CCDC170: variants seen among roughly 807,000 people sequenced by gnomAD.
CCDC170 encodes coiled-coil domain containing 170, also known as coiled-coil domain-containing protein 170.
CCDC170 carries 69 observed loss-of-function variants against 72.6 expected under a neutral mutation model. The observed-to-expected ratio is 0.95, with a 90% CI of 0.78 to 1.16. The LOEUF is 1.16. Ranked by LOEUF, CCDC170 falls within the 50% of genes most tolerant of loss-of-function variation. The pLI is 0.00. For synonymous variants in CCDC170, 300 were observed against 303.9 expected (o/e 0.99, Z 0.13); for missense variants, 852 against 832.5 (o/e 1.02, Z -0.29).
chr6:151,550,881 A>G (rs965549778), intron 5 of CCDC170, among the ~76,000 whole-genome samples: 4 of 152,130 alleles, frequency 2.6e-5, no homozygotes, highest in African/African-American at 4.8e-5. Context: ...GAACCTAATC[A>G]TCTCCCAAAG....
At chr6:151,515,838 C>T (rs562918994) in intron 1 of CCDC170, among the ~76,000 whole-genome samples, 9 of 152,014 alleles carry the variant, frequency 5.9e-5, no homozygotes, top group Non-Finnish European at 7.4e-5. Flanking sequence ...AAGTCCGAAG[C>T]GGGTGGATCA....
intron 1 of CCDC170, among the ~76,000 whole-genome samples, chr6:151,519,682 G>C (rs1458310020): frequency 2.0e-5 from 3 of 152,168 alleles, no homozygotes; most frequent in African/African-American, 7.2e-5. Context: ...CCTCCGTTCG[G>C]GGTTCCTGAC....
intron 1 of CCDC170, among the ~76,000 whole-genome samples, chr6:151,522,987 A>G (rs1315590495): frequency 6.6e-6 from 1 of 152,142 alleles, no homozygotes; most frequent in Admixed American, 6.6e-5. Context: ...TTCTTGCACA[A>G]GATCCAAGAA....
At chr6:151,566,744 T>A (rs1409008790) in intron 5 of CCDC170, among the ~76,000 whole-genome samples, 1 of 152,204 alleles carries the variant, frequency 6.6e-6, no homozygotes, top group Admixed American at 6.5e-5. Flanking sequence ...TGTTCTTTAG[T>A]CATAAGTTTT....
chr6:151,548,232 G>T (rs897819900), intron 4 of CCDC170, 72 bp from the exon 5 acceptor site: 2 of 1,329,750 alleles, frequency 1.5e-6, no homozygotes, highest in African/African-American at 2.9e-5. Context: ...GCAGTCTATA[G>T]ATGTGACTTG....
At chr6:151,554,023 C>G (rs76352903) in intron 5 of CCDC170, among the ~76,000 whole-genome samples, 4 of 152,146 alleles carry the variant, frequency 2.6e-5, no homozygotes, top group Non-Finnish European at 5.9e-5. Context: ...GAAGACTCTA[C>G]TTCAGTTCCT....
intron 4 of CCDC170, among the ~76,000 whole-genome samples, chr6:151,547,513 G>A (rs1267100571): frequency 2.0e-5 from 3 of 152,112 alleles, no homozygotes; most frequent in African/African-American, 7.2e-5. Flanking sequence ...ATGTGAGGAA[G>A]AGTGTTGGAG....
chr6:151,552,525 T>C (rs1782896613), intron 5 of CCDC170, among the ~76,000 whole-genome samples: 1 of 152,204 alleles, frequency 6.6e-6, no homozygotes, highest in East Asian at 1.9e-4. Flanking sequence ...TTCTTTATTT[T>C]CTTTCCTTTT....
At chr6:151,547,767 T>G (rs1218020363) in intron 4 of CCDC170, among the ~76,000 whole-genome samples, 2 of 152,216 alleles carry the variant, frequency 1.3e-5, no homozygotes, top group Non-Finnish European at 2.9e-5. Flanking sequence ...TGCTCCCAGT[T>G]AACCATTCCA....
chr6:151,508,875 C>T (rs955304485), intron 1 of CCDC170, among the ~76,000 whole-genome samples: 3 of 149,862 alleles, frequency 2.0e-5, no homozygotes, highest in South Asian at 4.3e-4. Context: ...ATTAGCCGGG[C>T]GTGGTGGCGA....
At chr6:151,506,329 GT>G (rs1412406699) in intron 1 of CCDC170, among the ~76,000 whole-genome samples, 1 of 152,184 alleles carries the variant, frequency 6.6e-6, no homozygotes, top group Non-Finnish European at 1.5e-5. Context: ...GCTGTTAAGT[GT>G]TTCTTTCTGA....
At chr6:151,549,376 T>A (rs1350148812) in intron 5 of CCDC170, among the ~76,000 whole-genome samples, 1 of 152,102 alleles carries the variant, frequency 6.6e-6, no homozygotes, top group African/African-American at 2.4e-5. Context: ...ACAAAACACT[T>A]AAAATTAAAG....
chr6:151,550,533 A>G (rs1284122550), intron 5 of CCDC170, among the ~76,000 whole-genome samples: 2 of 152,200 alleles, frequency 1.3e-5, no homozygotes, highest in Non-Finnish European at 2.9e-5. Context: ...TCGCACCACT[A>G]GCTTTATTCT....
At chr6:151,543,223 G>T (rs1455036286) in intron 3 of CCDC170, among the ~76,000 whole-genome samples, 1 of 152,030 alleles carries the variant, frequency 6.6e-6, no homozygotes, top group Admixed American at 6.6e-5. Flanking sequence ...ACCTATCTGA[G>T]ATTTGAAACA....
intron 9 of CCDC170, among the ~76,000 whole-genome samples, chr6:151,599,267 CA>C (rs1232675378): frequency 6.6e-6 from 1 of 152,174 alleles, no homozygotes; most frequent in Non-Finnish European, 1.5e-5. Context: ...AAGGATATGG[CA>C]AAATCAGAGC....
intron 5 of CCDC170, among the ~76,000 whole-genome samples, chr6:151,564,524 T>A (rs377407387): frequency 2.0e-5 from 3 of 152,082 alleles, no homozygotes; most frequent in South Asian, 4.1e-4. Flanking sequence ...TGGGCAGCAG[T>A]GTGGCATGGG....
At chr6:151,586,237 G>A in intron 7 of CCDC170, 148 bp downstream of exon 7, 1 of 748,290 alleles carries the variant, frequency 1.3e-6, no homozygotes. Flanking sequence ...TGGGTTTGGA[G>A]CTTCCTTGAT....
chr6:151,553,496 G>T (rs1041507269), intron 5 of CCDC170, among the ~76,000 whole-genome samples: 3 of 151,998 alleles, frequency 2.0e-5, no homozygotes, highest in Non-Finnish European at 4.4e-5. Context: ...GAGAGGAGGG[G>T]TTAAAAAAGA....
At chr6:151,494,705 C>T (rs1464801183) in intron 1 of CCDC170, among the ~76,000 whole-genome samples, 1 of 152,138 alleles carries the variant, frequency 6.6e-6, no homozygotes, top group Non-Finnish European at 1.5e-5. Context: ...TGGGGACTTT[C>T]AGGTATTAGA....
Sources: gnomAD v4.1 joint callset for allele counts (sites outside exome capture counted in the v4.1 genomes callset) on GRCh38, gnomAD v4.1.1 for gene constraint, MANE v1.5 for transcripts, NCBI Gene and HGNC (gene_info 2026-07-23, HGNC 2026-07-21) for gene names.